Variants in PFKFB4 observed in about 807,000 individuals in gnomAD.
PFKFB4 encodes the protein 6-phosphofructo-2-kinase/fructose-2,6-bisphosphatase 4.
PFKFB4 carries 42 observed loss-of-function variants against 62.8 expected under a neutral mutation model. The observed-to-expected ratio is 0.67, with a 90% CI of 0.52 to 0.86. PFKFB4 has a LOEUF of 0.86. Ranked by LOEUF, PFKFB4 falls within the 40% of genes least tolerant of loss-of-function variation. The pLI, the probability that PFKFB4 is intolerant of heterozygous loss-of-function variation, is 0.00. For missense variants in PFKFB4, 475 were observed against 627.2 expected (o/e 0.76, Z 2.59); for synonymous variants, 204 against 240.7 (o/e 0.85, Z 1.41).
At chr3:48,527,839 C>T (rs768002203) in intron 9 of PFKFB4, among the ~76,000 whole-genome samples, 24 of 152,128 alleles carry the variant, frequency 1.6e-4, no homozygotes, top group Admixed American at 3.3e-4. Context: ...AGGCACAGGC[C>T]ACCATGGCTG....
chr3:48,549,477 G>A (rs2043062147), intron 3 of PFKFB4, among the ~76,000 whole-genome samples: 1 of 152,072 alleles, frequency 6.6e-6, no homozygotes. Context: ...GGGTGAGCGA[G>A]CGTGACCTCC....
intron 1 of PFKFB4, among the ~76,000 whole-genome samples, chr3:48,555,732 CA>C (rs893668785): frequency 1.4e-5 from 2 of 144,884 alleles, no homozygotes; most frequent in East Asian, 2.0e-4. Flanking sequence ...CCTGTCTCTA[CA>C]AAAAAAAAGA....
At chr3:48,529,051 T>A (rs775752774) in intron 9 of PFKFB4, among the ~76,000 whole-genome samples, 6 of 150,294 alleles carry the variant, frequency 4.0e-5, no homozygotes, top group Non-Finnish European at 5.9e-5. Context: ...TTATTTATTT[T>A]TTTAGAGACT....
At chr3:48,529,778 G>C (rs1292813039) in intron 9 of PFKFB4, among the ~76,000 whole-genome samples, 1 of 151,696 alleles carries the variant, frequency 6.6e-6, no homozygotes, top group Non-Finnish European at 1.5e-5. Context: ...ATATGGTGAA[G>C]CCCCATCTTT....
chr3:48,522,042 C>A lies in PFKFB4; in HGVS notation c.1294G>T (p.Val432Leu). The part of the protein sequence containing the change: ...KLTPVAYGCK[V>L]ESIFLNVAAV... ...GCCACGTTCAGGAATATGGACTCCA[C>A]TTTACAACCTGCCAAAGGGAAGATG... Residue 432 changes from valine (V) to leucine (L), a missense_variant, in exon 13 of 14, where the codon GTG becomes TTG. By Grantham distance (32) the Val-to-Leu change is conservative. Transcript: ENST00000232375. The A allele has an allele frequency of 6.2e-7, 1 of 1,614,162 alleles. No individual in the cohort carries two copies. The highest frequency in any genetic ancestry group is 8.5e-7 in the Non-Finnish European group (1 of 1,179,996).
upstream of PFKFB4, chr3:48,559,898 C>CACACACACACA: frequency 5.3e-6 from 1 of 189,474 alleles, no homozygotes; most frequent in Non-Finnish European, 1.0e-5. Context: ...AACCATCCCA[C>CACACACACACA]CACACACACA....
chr3:48,543,722 G>C (rs1231538184), intron 3 of PFKFB4, 76 bp from the exon 4 acceptor site: 1 of 1,102,274 alleles, frequency 9.1e-7, no homozygotes, highest in Admixed American at 2.0e-5. Context: ...CACACAACAG[G>C]AGGAGACATG....
intron 1 of PFKFB4, 65 bp from the exon 2 acceptor site, chr3:48,550,299 A>C (rs1165177401): frequency 1.1e-5 from 11 of 1,042,206 alleles, no homozygotes; most frequent in Non-Finnish European, 1.7e-5. Context: ...CCTCCCTCTC[A>C]GCCTGTGGTC....
rs1278818546 is a variant in PFKFB4, at chr3:48,542,291, G to A, written c.378+1289C>T. Among the ~76,000 whole-genome samples the A allele has an allele frequency of 2.0e-5, 3 of 148,638 alleles. 1 individual carries two copies. Among genetic ancestry groups the A allele is most frequent in the South Asian group, 4.2e-4 (2 of 4,728 alleles). On this transcript the variant is annotated intron_variant, in intron 4 of 13. Coordinates refer to ENST00000232375, the MANE Select transcript of PFKFB4 (RefSeq NM_004567.4). ...GGAGCTTGTAGTGAGCCGAGATCAC[G>A]CCACTGCACTCCAGCCTGGGTGACA...
chr3:48,553,372 G>A (rs1158268978), intron 1 of PFKFB4, among the ~76,000 whole-genome samples: 1 of 152,152 alleles, frequency 6.6e-6, no homozygotes, highest in African/African-American at 2.4e-5. Flanking sequence ...TACTCGGGAA[G>A]CTGAGACAGG....
chr3:48,538,623 C>G lies in PFKFB4; in HGVS notation c.511-4G>C, dbSNP rs1399519713. The G allele has an allele frequency of 2.5e-6, 4 of 1,613,986 alleles. No homozygotes were observed. Among genetic ancestry groups the G allele is most frequent in the Non-Finnish European group, 3.4e-6 (4 of 1,180,028 alleles). ...CAGGGCTGCCCAGTTTCACTTGCTGCCGGAGCCAGGCACAGAGAAAGGACA... is the reference window on the plus strand; with the variant it reads ...CAGGGCTGCCCAGTTTCACTTGCTGGCGGAGCCAGGCACAGAGAAAGGACA... On this transcript the variant is annotated splice_region_variant and splice_polypyrimidine_tract_variant and intron_variant, in intron 6 of 13. Coordinates refer to ENST00000232375, the MANE Select transcript of PFKFB4 (RefSeq NM_004567.4).
At chr3:48,562,773 C>T, upstream of PFKFB4, 1 of 1,534,706 alleles carries the variant, frequency 6.5e-7, no homozygotes, top group Middle Eastern at 1.7e-4. The surrounding 1 kb of genome is among the most constrained non-coding windows in gnomAD (Gnocchi z 4.3). Flanking sequence ...CACTGTGACC[C>T]CCTCTCTCAG....
Position 48,519,034 on chromosome 3 carries a change from CATGCACA to C in PFKFB4, c.*706_*712del, listed in dbSNP as rs2042004099. The C allele has an allele frequency of 6.6e-6, 1 of 152,300 alleles. No homozygotes were observed. Among genetic ancestry groups the C allele is most frequent in the South Asian group, 2.1e-4 (1 of 4,838 alleles). The allele number at this position is 152,300 out of a possible 1,614,324, so 9.4% of individuals were successfully genotyped here. A position where few individuals can be genotyped will look rare whatever the true frequency, so the allele number is the denominator to read the frequency against. On this transcript the variant is annotated 3_prime_UTR_variant, in exon 14 of 14. Coordinates refer to ENST00000232375, the MANE Select transcript of PFKFB4 (RefSeq NM_004567.4). ...CTAAGCATACCTAAGTAGCCGGGTA[CATGCACA>C]ACTGGGGAGGGGCGACCACAACTGC...
chr3:48,536,246 A>G lies in PFKFB4; in HGVS notation c.840+10T>C, dbSNP rs1463211200. 1.2e-6 allele frequency: 2 copies of G among 1,610,728 alleles called. No individual in the cohort carries two copies. Among genetic ancestry groups the G allele is most frequent in the Middle Eastern group, 1.7e-4 (1 of 5,732 alleles). ...GGCCCGTGTGCGCACGCAGGGACAC[A>G]TGCACTGACCTCCCTGCCCCGAGGG... On this transcript the variant is annotated intron_variant, in intron 8 of 13. Transcript: ENST00000232375.
At chr3:48,549,573 G>A (rs749373141) in intron 3 of PFKFB4, among the ~76,000 whole-genome samples, 2 of 152,070 alleles carry the variant, frequency 1.3e-5, no homozygotes, top group Non-Finnish European at 2.9e-5. Context: ...TTAACCCCAG[G>A]GCAGGAATGG....
chr3:48,539,742 T>C lies in PFKFB4; in HGVS notation c.408A>G (p.Glu136=). ...AVFDATNTTR[E]RRATIFNFGE... is the part of the protein sequence containing the mutation. ...CAAAATTAAAGATGGTCGCTCTCCG[T>C]TCTCGGGTGGTGTTTGTGGCATCAA... Residue 136 remains glutamate (E), a synonymous_variant, in exon 5 of 14, where the codon GAA becomes GAG. Transcript: ENST00000232375. The C allele has an allele frequency of 6.2e-7, 1 of 1,614,150 alleles. No individual in the cohort carries two copies. Among genetic ancestry groups the C allele is most frequent in the Non-Finnish European group, 8.5e-7 (1 of 1,180,010 alleles).
At chr3:48,543,777 G>C in intron 3 of PFKFB4, 131 bp from the exon 4 acceptor site, 1 of 716,420 alleles carries the variant, frequency 1.4e-6, no homozygotes. Context: ...TCTTTTCAAA[G>C]TTTCCCTTCT....
At chr3:48,533,290 G>C (rs2042485485) in intron 9 of PFKFB4, among the ~76,000 whole-genome samples, 1 of 152,108 alleles carries the variant, frequency 6.6e-6, no homozygotes, top group Non-Finnish European at 1.5e-5. Flanking sequence ...GGTGGTGAGA[G>C]TTGCATAACA....
chr3:48,539,050 C>G (rs7615170), intron 6 of PFKFB4, among the ~76,000 whole-genome samples: 144,811 of 152,146 alleles, frequency 0.95, 68,997 homozygotes, highest in East Asian at 1. Flanking sequence ...GGTTACGAGG[C>G]GGAGGTGGGG....
Sources: gnomAD v4.1 joint callset for allele counts (sites outside exome capture counted in the v4.1 genomes callset) on GRCh38, gnomAD v4.1.1 for gene constraint, Gnocchi (gnomAD v3.1) non-coding constraint, MANE v1.5 for transcripts, NCBI Gene and HGNC (gene_info 2026-07-23, HGNC 2026-07-21) for gene names.